The following WWOX variants were observed in gnomAD, a reference collection of about 807,000 sequenced individuals.
The protein encoded by WWOX is WW domain containing oxidoreductase.
WWOX carries 69 observed loss-of-function variants against 46.2 expected under a neutral mutation model. The observed-to-expected ratio is 1.49, with a 90% confidence interval of 1.23 to 1.82. The LOEUF (loss-of-function observed/expected upper bound fraction) is 1.82. Ranked by LOEUF, WWOX falls within the 40% of genes most tolerant of loss-of-function variation. The pLI, the probability that WWOX is intolerant of heterozygous loss-of-function variation, is 0.00. For missense variants in WWOX, 919 were observed against 542.6 expected (o/e 1.69, Z -6.89); for synonymous variants, 359 against 202.6 (o/e 1.77, Z -6.56).
chr16:78,919,389 G>A (rs778842232), intron 8 of WWOX, among the ~76,000 whole-genome samples: 2 of 151,936 alleles, frequency 1.3e-5, no homozygotes, highest in Non-Finnish European at 2.9e-5. Flanking sequence ...AATTGTCTTT[G>A]TGTATTTTGC....
chr16:79,131,231 G>C (rs1308464124), intron 8 of WWOX, among the ~76,000 whole-genome samples: 1 of 152,060 alleles, frequency 6.6e-6, no homozygotes, highest in African/African-American at 2.4e-5. Context: ...CTTCCTCCAG[G>C]GCCATTTGTG....
At chr16:78,859,355 T>A (rs2052663078) in intron 8 of WWOX, among the ~76,000 whole-genome samples, 2 of 152,014 alleles carry the variant, frequency 1.3e-5, no homozygotes, top group Admixed American at 6.6e-5. Flanking sequence ...TCTAATAAAT[T>A]AGAAGAGCTC....
chr16:78,869,691 G>A (rs571656315), intron 8 of WWOX, among the ~76,000 whole-genome samples: 4 of 152,268 alleles, frequency 2.6e-5, no homozygotes, highest in East Asian at 1.9e-4. Flanking sequence ...ACAGTGCATC[G>A]CCCACTCTGA....
At chr16:78,543,469 A>T (rs1397885863) in intron 8 of WWOX, among the ~76,000 whole-genome samples, 1 of 152,240 alleles carries the variant, frequency 6.6e-6, no homozygotes, top group East Asian at 1.9e-4. Context: ...TGAACAGAGC[A>T]AAAGGGCATT....
chr16:79,089,196 T>G (rs2048907719), intron 8 of WWOX, among the ~76,000 whole-genome samples: 1 of 152,254 alleles, frequency 6.6e-6, no homozygotes, highest in Non-Finnish European at 1.5e-5. Flanking sequence ...TCTTGACCTT[T>G]TATGAGTCTC....
intron 8 of WWOX, among the ~76,000 whole-genome samples, chr16:78,995,487 T>A (rs1025366297): frequency 1.3e-5 from 2 of 152,056 alleles, no homozygotes; most frequent in African/African-American, 4.8e-5. Context: ...CCAAGTTCTT[T>A]GTAAATTATG....
chr16:79,018,448 G>C (rs573234027), intron 8 of WWOX, among the ~76,000 whole-genome samples: 1 of 152,166 alleles, frequency 6.6e-6, no homozygotes, highest in Non-Finnish European at 1.5e-5. Context: ...ATTGACCTCT[G>C]TGCCCATCTT....
At chr16:78,941,062 G>A (rs770240168) in intron 8 of WWOX, among the ~76,000 whole-genome samples, 2 of 151,990 alleles carry the variant, frequency 1.3e-5, no homozygotes, top group Non-Finnish European at 2.9e-5. Flanking sequence ...GAATTTCACT[G>A]AAGTTTATGA....
chr16:78,421,460 C>T (rs2082928783), intron 6 of WWOX, among the ~76,000 whole-genome samples: 1 of 152,150 alleles, frequency 6.6e-6, no homozygotes, highest in African/African-American at 2.4e-5. Flanking sequence ...TTAAGGCCCA[C>T]CTTAATCCAA....
intron 8 of WWOX, among the ~76,000 whole-genome samples, chr16:78,880,684 C>T (rs1020590583): frequency 6.6e-6 from 1 of 152,226 alleles, no homozygotes; most frequent in Non-Finnish European, 1.5e-5. Flanking sequence ...CTGATGTACT[C>T]TTGCTGGCGG....
intron 8 of WWOX, chr16:78,899,104 G>A (rs896133880): frequency 6.6e-6 from 1 of 151,784 alleles, no homozygotes; most frequent in Non-Finnish European, 1.5e-5. Flanking sequence ...TAATGCACTG[G>A]CTATAGCCTG....
At chr16:78,115,995 A>G (rs1480194214) in intron 4 of WWOX, among the ~76,000 whole-genome samples, 1 of 151,546 alleles carries the variant, frequency 6.6e-6, no homozygotes, top group African/African-American at 2.4e-5. Context: ...CTCTTTCCTA[A>G]TTTTGTTTTT....
At chr16:79,211,550 G>C (rs369165351) in intron 8 of WWOX, 58 bp from the exon 9 acceptor site, 4 of 1,609,880 alleles carry the variant, frequency 2.5e-6, no homozygotes, top group Non-Finnish European at 3.4e-6. Flanking sequence ...TCGAAATGAC[G>C]CCATCTCATC....
At chr16:78,919,960 G>A (rs7192071) in intron 8 of WWOX, among the ~76,000 whole-genome samples, 136,719 of 152,202 alleles carry the variant, frequency 0.9, 62,557 homozygotes, top group Non-Finnish European at 0.98. Context: ...TACCAAACAC[G>A]TAAGCTTATT....
At chr16:78,480,844 G>A (rs747945497) in intron 8 of WWOX, among the ~76,000 whole-genome samples, 1 of 152,188 alleles carries the variant, frequency 6.6e-6, no homozygotes, top group Admixed American at 6.5e-5. Flanking sequence ...GATGGATTGA[G>A]ACATCAGATT....
chr16:78,405,660 C>T (rs907925547), intron 6 of WWOX, among the ~76,000 whole-genome samples: 1 of 152,184 alleles, frequency 6.6e-6, no homozygotes, highest in African/African-American at 2.4e-5. Flanking sequence ...GGTACCATAT[C>T]CCCAAAGTAG....
intron 8 of WWOX, among the ~76,000 whole-genome samples, chr16:78,817,169 A>ATTGTTTTTTTTTTTTT (rs1460643310): frequency 3.8e-5 from 1 of 26,586 alleles, no homozygotes; most frequent in Non-Finnish European, 7.8e-5. Flanking sequence ...CATTAGTGCT[A>ATTGTTTTTTTTTTTTT]TTCTTTTTTT....
intron 8 of WWOX, among the ~76,000 whole-genome samples, chr16:78,756,065 C>T (rs980273044): frequency 6.6e-6 from 1 of 152,124 alleles, no homozygotes; most frequent in Admixed American, 6.5e-5. Context: ...TCAGAATTCA[C>T]CCCATCTTCA....
At chr16:78,899,846 C>T (rs1254428153) in intron 8 of WWOX, among the ~76,000 whole-genome samples, 1 of 152,156 alleles carries the variant, frequency 6.6e-6, no homozygotes, top group South Asian at 2.1e-4. Flanking sequence ...GTTCCACTGG[C>T]TCCTAAGGTT....
Sources: gnomAD v4.1 joint callset for allele counts (sites outside exome capture counted in the v4.1 genomes callset) on GRCh38, gnomAD v4.1.1 for gene constraint, MANE v1.5 for transcripts, NCBI Gene and HGNC (gene_info 2026-07-23, HGNC 2026-07-21) for gene names.